The following LIPA variants were observed in gnomAD, a reference collection of about 807,000 sequenced individuals.
The protein encoded by LIPA is lipase A, lysosomal acid type.
LIPA carries 26 observed loss-of-function variants against 40.6 expected under a neutral mutation model. The ratio of observed to expected loss-of-function variants is 0.64; its 90% CI spans 0.47 to 0.89. The LOEUF (loss-of-function observed/expected upper bound fraction) is 0.89, where lower values mean the gene tolerates loss of function less well. Ranked by LOEUF, LIPA falls within the 40% of genes least tolerant of loss-of-function variation. LIPA has a pLI of 0.00. For synonymous variants in LIPA, 188 were observed against 168.4 expected (o/e 1.12, Z -0.90); for missense variants, 455 against 479.6 (o/e 0.95, Z 0.48).
chr10:89,323,116 C>A (rs1843580681), intron 1 of LIPA, among the ~76,000 whole-genome samples: 1 of 152,158 alleles, frequency 6.6e-6, no homozygotes, highest in African/African-American at 2.4e-5. Flanking sequence ...TTATAAAATT[C>A]TTGTTTCTGT....
At chr10:89,315,603 CAG>C (rs1163939798) in intron 1 of LIPA, among the ~76,000 whole-genome samples, 1 of 151,986 alleles carries the variant, frequency 6.6e-6, no homozygotes, top group East Asian at 1.9e-4. Flanking sequence ...AAAAACCTCT[CAG>C]GGTAGTATCA....
At chr10:89,381,738 T>G (rs990193422) in intron 2 of LIPA, among the ~76,000 whole-genome samples, 1 of 152,150 alleles carries the variant, frequency 6.6e-6, no homozygotes, top group South Asian at 2.1e-4. Context: ...CTATTCATTA[T>G]CTTGTGAATC....
At chr10:89,238,482 T>C (rs1361053543) in intron 3 of LIPA, among the ~76,000 whole-genome samples, 4 of 152,196 alleles carry the variant, frequency 2.6e-5, no homozygotes, top group Non-Finnish European at 5.9e-5. Context: ...GAAACATTTC[T>C]AGGGAAATGA....
chr10:89,233,112 A>G (rs1158820705), intron 3 of LIPA, among the ~76,000 whole-genome samples: 1 of 152,226 alleles, frequency 6.6e-6, no homozygotes, highest in Non-Finnish European at 1.5e-5. Context: ...AGTCAAAGAC[A>G]CTATTTTTCT....
chr10:89,350,324 T>TTTTTTTTTTTTTG (rs1384771963), intron 2 of LIPA, among the ~76,000 whole-genome samples: 3 of 151,484 alleles, frequency 2.0e-5, no homozygotes, highest in South Asian at 2.1e-4. Context: ...CCTTTTTTTT[T>TTTTTTTTTTTTTG]AAGACGGAGT....
intron 2 of LIPA, among the ~76,000 whole-genome samples, chr10:89,380,042 A>T (rs1327911978): frequency 6.6e-6 from 1 of 152,110 alleles, no homozygotes; most frequent in Non-Finnish European, 1.5e-5. Flanking sequence ...CTCAAAAAAA[A>T]AAAAAAACAA....
intron 2 of LIPA, chr10:89,403,856 T>G (rs941977264): frequency 3.4e-6 from 2 of 593,588 alleles, no homozygotes; most frequent in Middle Eastern, 2.9e-4. Context: ...AAAATATTAG[T>G]TGTGTTCAAC....
chr10:89,301,126 A>G (rs780252132), intron 1 of LIPA, among the ~76,000 whole-genome samples: 1 of 152,218 alleles, frequency 6.6e-6, no homozygotes. Flanking sequence ...TATTATTCCC[A>G]ATTTACAAAA....
chr10:89,393,119 A>G, intron 2 of LIPA: 1 of 1,294,380 alleles, frequency 7.7e-7, no homozygotes, highest in Non-Finnish European at 1.0e-6. Context: ...TCTTTACCAC[A>G]GAGAAAAAGC....
chr10:89,321,723 A>G (rs1843573135), intron 1 of LIPA, among the ~76,000 whole-genome samples: 1 of 152,260 alleles, frequency 6.6e-6, no homozygotes, highest in South Asian at 2.1e-4. Flanking sequence ...TACTGGGTAT[A>G]TATCCAAAGG....
At chr10:89,348,177 G>A (rs997828928) in intron 2 of LIPA, among the ~76,000 whole-genome samples, 2 of 152,180 alleles carry the variant, frequency 1.3e-5, no homozygotes, top group African/African-American at 4.8e-5. Flanking sequence ...GCATTAAGTA[G>A]GAGTTTGGAA....
intron 1 of LIPA, among the ~76,000 whole-genome samples, chr10:89,261,116 A>G (rs1408992865): frequency 2.0e-5 from 3 of 152,342 alleles, no homozygotes; most frequent in Middle Eastern, 6.8e-3. Context: ...GGAGCTGAGG[A>G]CACAGAAATG....
chr10:89,376,427 C>G (rs563152963), intron 2 of LIPA, among the ~76,000 whole-genome samples: 2 of 152,262 alleles, frequency 1.3e-5, no homozygotes, highest in African/African-American at 4.8e-5. Context: ...TGCATAAGAT[C>G]TTATGTGACG....
At chr10:89,249,107 C>A (rs1313942480) in intron 1 of LIPA, among the ~76,000 whole-genome samples, 2 of 152,090 alleles carry the variant, frequency 1.3e-5, no homozygotes. Flanking sequence ...GTTCTTGCCC[C>A]AAATTATACG....
intron 2 of LIPA, among the ~76,000 whole-genome samples, chr10:89,389,010 A>C (rs1012765379): frequency 6.6e-6 from 1 of 152,216 alleles, no homozygotes. Context: ...GTAGTTTAGG[A>C]AAAATCTCAG....
intron 1 of LIPA, chr10:89,412,948 C>T (rs1263998589): frequency 4.3e-6 from 1 of 233,346 alleles, no homozygotes; most frequent in South Asian, 3.9e-5. Context: ...TCCGGACACA[C>T]CATCACCTAC....
intron 3 of LIPA, 95 bp from the exon 4 acceptor site, chr10:89,228,493 C>T (rs2071509): frequency 1.0e-6 from 1 of 995,972 alleles, no homozygotes; most frequent in Non-Finnish European, 1.6e-6. Context: ...GATCCATAAG[C>T]AAATAATGAA....
intron 1 of LIPA, among the ~76,000 whole-genome samples, chr10:89,321,546 C>A (rs1410867558): frequency 3.3e-5 from 5 of 152,084 alleles, no homozygotes; most frequent in Non-Finnish European, 7.4e-5. Flanking sequence ...GTTAGAATGG[C>A]CATCATTAAA....
chr10:89,278,806 T>C (rs1843302259), intron 1 of LIPA, among the ~76,000 whole-genome samples: 1 of 151,590 alleles, frequency 6.6e-6, no homozygotes, highest in Non-Finnish European at 1.5e-5. Flanking sequence ...TATAGTAATA[T>C]TATTTACATA....
Sources: allele counts gnomAD v4.1 joint callset (sites outside exome capture counted in the v4.1 genomes callset), GRCh38; gene constraint gnomAD v4.1.1; transcripts MANE v1.5; gene names NCBI Gene and HGNC (gene_info 2026-07-23, HGNC 2026-07-21).